Variants in MEI4 observed in about 807,000 individuals in gnomAD.
The protein encoded by MEI4 is meiotic double-stranded break formation protein 4.
In MEI4, 27 loss-of-function variants were observed where a neutral mutation model predicts 31.4. The observed-to-expected ratio is 0.86, with a 90% CI of 0.63 to 1.19. The LOEUF is 1.19. MEI4 is among the 50% of genes most tolerant of loss of function. MEI4 has a pLI of 0.00. For synonymous variants in MEI4, 122 were observed against 145.4 expected, an observed-to-expected ratio of 0.84 and a Z score of 1.16; for missense variants, 329 against 398.9, an observed-to-expected ratio of 0.82 and a Z score of 1.49.
intron 2 of MEI4, among the ~76,000 whole-genome samples, chr6:77,751,539 A>T (rs1260530400): frequency 6.6e-6 from 1 of 152,308 alleles, no homozygotes; most frequent in Admixed American, 6.5e-5. Context: ...GTTCCTGAAC[A>T]CATACACCCT....
At chr6:77,871,926 A>G (rs1771204085) in intron 4 of MEI4, among the ~76,000 whole-genome samples, 1 of 152,148 alleles carries the variant, frequency 6.6e-6, no homozygotes, top group African/African-American at 2.4e-5. Context: ...CATTTCTAGA[A>G]TATTATTGGC....
At chr6:77,699,830 T>G (rs1373740319) in intron 2 of MEI4, among the ~76,000 whole-genome samples, 1 of 152,140 alleles carries the variant, frequency 6.6e-6, no homozygotes, top group Non-Finnish European at 1.5e-5. Context: ...CTGTTGGAGT[T>G]TGCTGGAGGT....
chr6:77,807,002 A>T (rs1229669880), intron 3 of MEI4, among the ~76,000 whole-genome samples: 2 of 152,130 alleles, frequency 1.3e-5, no homozygotes, highest in African/African-American at 4.8e-5. Flanking sequence ...GTCATAGATG[A>T]TCATTTTGCT....
intron 4 of MEI4, among the ~76,000 whole-genome samples, chr6:77,866,701 T>C (rs1452023875): frequency 6.6e-6 from 1 of 152,192 alleles, no homozygotes; most frequent in Non-Finnish European, 1.5e-5. Flanking sequence ...ACCAATGACT[T>C]TCTTCACAGA....
In MEI4 at chr6:77,700,471, C is replaced by T. The variant is rs146738723; in HGVS notation, c.232+9568C>T. On this transcript the variant is annotated intron_variant, in intron 2 of 4. Transcript: ENST00000684080. ...GCGCAGTATTTGGATGGGAGTGACC[C>T]GATTTTCCAGGTGCTGTCTATTACC... 5.9e-3 allele frequency among the ~76,000 whole-genome samples: 897 copies of T among 152,252 alleles called. 11 individuals are homozygous for T. The highest frequency in any genetic ancestry group is 0.021 in the African/African-American group (852 of 41,544).
intron 2 of MEI4, among the ~76,000 whole-genome samples, chr6:77,733,585 G>T (rs1335566101): frequency 6.6e-6 from 1 of 151,938 alleles, no homozygotes; most frequent in Non-Finnish European, 1.5e-5. Context: ...CCAGCTCCTG[G>T]ATTGATTAAT....
At chr6:77,689,331 TATTA>T (rs1179003320) in intron 1 of MEI4, among the ~76,000 whole-genome samples, 1 of 152,088 alleles carries the variant, frequency 6.6e-6, no homozygotes, top group African/African-American at 2.4e-5. Context: ...GTCATACTTT[TATTA>T]ATTTAACTAT....
intron 4 of MEI4, among the ~76,000 whole-genome samples, chr6:77,906,724 G>A (rs1766304789): frequency 6.6e-6 from 1 of 152,146 alleles, no homozygotes; most frequent in Admixed American, 6.6e-5. Context: ...TGACTCTGGA[G>A]TCTGGGGCAG....
intron 4 of MEI4, among the ~76,000 whole-genome samples, chr6:77,861,761 T>A (rs1373244090): frequency 6.6e-6 from 1 of 152,122 alleles, no homozygotes; most frequent in African/African-American, 2.4e-5. Context: ...GTTTTATCAT[T>A]TGTGAAATTA....
At chr6:77,907,143 T>A (rs1445069854) in intron 4 of MEI4, among the ~76,000 whole-genome samples, 1 of 152,190 alleles carries the variant, frequency 6.6e-6, no homozygotes, top group Admixed American at 6.5e-5. Context: ...ACTAGCCATT[T>A]TTTTTAAATA....
At chr6:77,686,737 A>T (rs987252556) in intron 1 of MEI4, among the ~76,000 whole-genome samples, 1 of 152,054 alleles carries the variant, frequency 6.6e-6, no homozygotes, top group Non-Finnish European at 1.5e-5. Context: ...ATTGAAGGTG[A>T]AATCTTAGAA....
chr6:77,825,644 A>T (rs1769927566), intron 3 of MEI4, among the ~76,000 whole-genome samples: 1 of 152,212 alleles, frequency 6.6e-6, no homozygotes, highest in South Asian at 2.1e-4. Context: ...TGTTTTAAAT[A>T]TCTATAATTC....
In MEI4 at chr6:77,872,231, C is replaced by T. The variant is rs868821609; in HGVS notation, c.900+43169C>T. Among the ~76,000 whole-genome samples the T allele has an allele frequency of 4.6e-5, 7 of 152,180 alleles. No individual in the cohort carries two copies. The Middle Eastern group carries it at 0.01, about 223-fold the overall frequency. On this transcript the variant is annotated intron_variant, in intron 4 of 4. Coordinates refer to ENST00000684080, the MANE Select transcript of MEI4 (RefSeq NM_001322247.2). ...TTTGCTGGAAGAAATGTGACTCTAT[C>T]GATGCCATGTATGTTACTGCTGGTC...
rs530357356 is a variant in MEI4, at chr6:77,832,730, A to C, written c.900+3668A>C. Reference sequence around the variant, plus strand: ...CAGTCTGTTGAACCCACAAAGTCTGACTCTATAATCTAGAAGATAAAGTAT... The same window carrying C: ...CAGTCTGTTGAACCCACAAAGTCTGCCTCTATAATCTAGAAGATAAAGTAT... On this transcript the variant is annotated intron_variant, in intron 4 of 4. Coordinates refer to ENST00000684080, the MANE Select transcript of MEI4 (RefSeq NM_001322247.2). Among the ~76,000 whole-genome samples, 308 of 152,136 alleles carry C rather than the reference A, an allele frequency of 2.0e-3. 1 individual carries two copies. Among genetic ancestry groups the C allele is most frequent in the South Asian group, 2.7e-3 (13 of 4,828 alleles).
chr6:77,769,589 G>A (rs1252689873), intron 3 of MEI4, among the ~76,000 whole-genome samples: 1 of 152,016 alleles, frequency 6.6e-6, no homozygotes, highest in African/African-American at 2.4e-5. Flanking sequence ...GTACCTCCAA[G>A]ACCCCTTCCA....
chr6:77,879,976 G>A (rs544434255), intron 4 of MEI4, among the ~76,000 whole-genome samples: 98 of 152,250 alleles, frequency 6.4e-4, no homozygotes, highest in African/African-American at 2.2e-3. Flanking sequence ...GGGCACCTGT[G>A]CTTTAGAATG....
At chr6:77,875,821 C>G (rs973121245) in intron 4 of MEI4, among the ~76,000 whole-genome samples, 1 of 152,082 alleles carries the variant, frequency 6.6e-6, no homozygotes, top group Admixed American at 6.6e-5. Flanking sequence ...AATCTTGGCA[C>G]TTTGGGGGAA....
intron 2 of MEI4, among the ~76,000 whole-genome samples, chr6:77,750,545 G>A (rs566253170): frequency 6.1e-4 from 93 of 152,182 alleles, no homozygotes; most frequent in African/African-American, 2.1e-3. Context: ...AATGGTAAAG[G>A]GATCAATACA....
intron 4 of MEI4, among the ~76,000 whole-genome samples, chr6:77,886,260 A>T (rs1209385593): frequency 2.0e-5 from 3 of 152,158 alleles, no homozygotes; most frequent in Admixed American, 6.5e-5. Context: ...AATAAGTTTG[A>T]CAGAATTCAT....
Sources: allele counts gnomAD v4.1 joint callset (sites outside exome capture counted in the v4.1 genomes callset), GRCh38; gene constraint gnomAD v4.1.1; transcripts MANE v1.5; gene names NCBI Gene and HGNC (gene_info 2026-07-23, HGNC 2026-07-21).